LATS2: variants seen among roughly 807,000 people sequenced by gnomAD.
The protein encoded by LATS2 is serine/threonine-protein kinase LATS2.
In LATS2, 24 loss-of-function variants were observed where a neutral mutation model predicts 76.0. The observed-to-expected ratio is 0.32, with a 90% CI of 0.23 to 0.44. LATS2 has a LOEUF of 0.44. Ranked by LOEUF, LATS2 falls within the 20% of genes least tolerant of loss-of-function variation. The probability of loss-of-function intolerance (pLI) is 1.00; values close to 1 mark genes in which losing one functional copy is unlikely to be tolerated. For synonymous variants in LATS2, 692 were observed against 635.4 expected (o/e 1.09, Z -1.34); for missense variants, 1,286 against 1,481.2 (o/e 0.87, Z 2.16).
At chr13:20,978,137 G>A (rs769188772) in intron 7 of LATS2, among the ~76,000 whole-genome samples, 5 of 152,028 alleles carry the variant, frequency 3.3e-5, no homozygotes, top group Non-Finnish European at 7.4e-5. Context: ...GGCTAGTCTC[G>A]ATCTCCTGAC....
chr13:21,010,629 A>C (rs1413961681), intron 2 of LATS2, among the ~76,000 whole-genome samples: 1 of 152,252 alleles, frequency 6.6e-6, no homozygotes, highest in Non-Finnish European at 1.5e-5. Context: ...ACTCTGGAAG[A>C]GCCAATCCCT....
chr13:21,051,715 T>A (rs571889621), intron 1 of LATS2, among the ~76,000 whole-genome samples: 3 of 152,152 alleles, frequency 2.0e-5, no homozygotes, highest in Non-Finnish European at 2.9e-5. Flanking sequence ...TCCTGGCACT[T>A]TGGGAGGCCA....
At chr13:21,057,415 G>A (rs1273944069) in intron 1 of LATS2, among the ~76,000 whole-genome samples, 2 of 152,168 alleles carry the variant, frequency 1.3e-5, no homozygotes, top group Admixed American at 6.5e-5. Flanking sequence ...CAGGGTGAAC[G>A]GCAAACATTA....
chr13:21,016,317 C>G (rs919879512), intron 2 of LATS2, among the ~76,000 whole-genome samples: 2 of 150,862 alleles, frequency 1.3e-5, no homozygotes, highest in Admixed American at 1.3e-4. Flanking sequence ...CAGACTCTTG[C>G]TCTGTCACCC....
intron 2 of LATS2, among the ~76,000 whole-genome samples, chr13:21,033,854 TA>T (rs1055646775): frequency 6.6e-6 from 1 of 152,000 alleles, no homozygotes; most frequent in African/African-American, 2.4e-5. Context: ...TTATTTCTAT[TA>T]CATGATTAAT....
chr13:21,000,434 T>A (rs1870990800), intron 2 of LATS2, among the ~76,000 whole-genome samples: 2 of 152,140 alleles, frequency 1.3e-5, no homozygotes, highest in Non-Finnish European at 2.9e-5. Context: ...CTATTCTTGG[T>A]CATGTATAAA....
chr13:21,042,010 A>G (rs1191112071), intron 2 of LATS2, among the ~76,000 whole-genome samples: 1 of 152,216 alleles, frequency 6.6e-6, no homozygotes, highest in Non-Finnish European at 1.5e-5. Context: ...GCAAACTTAA[A>G]TGATCACTTA....
chr13:21,058,655 C>T (rs1873526474), intron 1 of LATS2, among the ~76,000 whole-genome samples: 1 of 152,188 alleles, frequency 6.6e-6, no homozygotes, highest in South Asian at 2.1e-4. Context: ...TTCAATGATT[C>T]TAGTAATTCA....
At chr13:21,030,849 T>TA (rs1174416283) in intron 2 of LATS2, among the ~76,000 whole-genome samples, 1 of 152,174 alleles carries the variant, frequency 6.6e-6, no homozygotes, top group East Asian at 1.9e-4. Context: ...GTATATCCTT[T>TA]AGCATTTTTC....
intron 2 of LATS2, among the ~76,000 whole-genome samples, chr13:20,999,181 G>A (rs1373823893): frequency 6.6e-6 from 1 of 152,236 alleles, no homozygotes; most frequent in Non-Finnish European, 1.5e-5. Flanking sequence ...AAATGTCTGT[G>A]TGCTTGAAGA....
At chr13:21,039,905 C>T (rs1239539471) in intron 2 of LATS2, among the ~76,000 whole-genome samples, 1 of 152,106 alleles carries the variant, frequency 6.6e-6, no homozygotes, top group Non-Finnish European at 1.5e-5. Flanking sequence ...GAAATCCCAT[C>T]TCTACTAAAA....
intron 4 of LATS2, among the ~76,000 whole-genome samples, chr13:20,986,588 G>T (rs911859097): frequency 6.6e-6 from 1 of 152,198 alleles, no homozygotes; most frequent in Non-Finnish European, 1.5e-5. Context: ...TCTCATAGAG[G>T]TAGAGAGTAG....
chr13:21,046,407 C>T lies in LATS2; in HGVS notation c.-204-177G>A, dbSNP rs186271135. On this transcript the variant is annotated intron_variant, in intron 1 of 7. Coordinates refer to ENST00000382592, the MANE Select transcript of LATS2 (RefSeq NM_014572.3). ...GTTCAACCATGGTTAGAGCACATGA[C>T]ATCTACGGCTGTCCCAAAATGCTTC... 3.4e-3 allele frequency among the ~76,000 whole-genome samples: 515 copies of T among 152,348 alleles called. 2 individuals carry two copies. The highest frequency in any genetic ancestry group is 0.012 in the African/African-American group (496 of 41,570).
At chr13:21,000,502 C>T (rs974446151) in intron 2 of LATS2, among the ~76,000 whole-genome samples, 11 of 151,768 alleles carry the variant, frequency 7.2e-5, no homozygotes, top group African/African-American at 2.7e-4. Context: ...TTTTTTATCC[C>T]GATTTAATGA....
chr13:21,004,434 C>CAAAAAAAAAA (rs11423103), intron 2 of LATS2, among the ~76,000 whole-genome samples: 1 of 108,502 alleles, frequency 9.2e-6, no homozygotes. Context: ...AACACTGTCT[C>CAAAAAAAAAA]AAAAAAAAAA....
intron 1 of LATS2, among the ~76,000 whole-genome samples, chr13:21,049,211 T>C (rs1488437643): frequency 6.6e-6 from 1 of 151,942 alleles, no homozygotes; most frequent in Non-Finnish European, 1.5e-5. Flanking sequence ...ACCATGGAGG[T>C]ATCCAGAGGC....
At position 21,029,501 on chromosome 13, in the gene LATS2, G is replaced by C. The variant is rs143948304; in HGVS notation, c.342+16184C>G. Reference sequence around the variant, plus strand: ...TTGGATTTATATTGCATTTATAAAAGATATTGGAATGTCGGGTGCGGTGGC... The same window carrying C: ...TTGGATTTATATTGCATTTATAAAACATATTGGAATGTCGGGTGCGGTGGC... On this transcript the variant is annotated intron_variant, in intron 2 of 7. Coordinates refer to ENST00000382592, the MANE Select transcript of LATS2 (RefSeq NM_014572.3). 4.5e-3 allele frequency among the ~76,000 whole-genome samples: 679 copies of C among 152,316 alleles called. 3 individuals are homozygous for C. Among genetic ancestry groups the C allele is most frequent in the African/African-American group, 0.015 (620 of 41,564 alleles).
intron 2 of LATS2, among the ~76,000 whole-genome samples, chr13:20,998,001 A>G (rs1337585718): frequency 6.6e-6 from 1 of 152,208 alleles, no homozygotes. Flanking sequence ...GAAAAAGTAG[A>G]AACGGAGCAC....
In LATS2 at chr13:20,987,916, T is replaced by C. The variant is rs1190915984; in HGVS notation, c.1864A>G (p.Asn622Asp). The change falls in exon 4 of 8, where the codon AAC becomes GAC. Residue 622 changes from asparagine (N) to aspartate (D), a missense_variant. Asn to Asp is a conservative substitution (Grantham distance 23). Transcript: ENST00000382592. ...NVIKTYQQKV[N>D]RRLQLEQEMA... ...TCTTGCTCCAGCTGCAGCCTCCGGT[T>C]AACCTTCTGCTGGTAGGTTTTGATG... 6.2e-7 allele frequency: 1 copy of C among 1,614,002 alleles called. No individual in the cohort carries two copies. The highest frequency in any genetic ancestry group is 1.7e-5 in the Admixed American group (1 of 60,012).
Sources: allele counts gnomAD v4.1 joint callset (sites outside exome capture counted in the v4.1 genomes callset), GRCh38; gene constraint gnomAD v4.1.1; transcripts MANE v1.5; gene names NCBI Gene and HGNC (gene_info 2026-07-23, HGNC 2026-07-21).